The following TRIOBP variants were observed in gnomAD, a reference collection of about 807,000 sequenced individuals.
TRIOBP encodes TRIO and F-actin binding protein.
TRIOBP carries 169 observed loss-of-function variants against 238.8 expected under a neutral mutation model. The observed-to-expected ratio is 0.71, with a 90% CI of 0.62 to 0.80. The LOEUF (loss-of-function observed/expected upper bound fraction) is 0.80. Ranked by LOEUF, TRIOBP falls within the 30% of genes least tolerant of loss-of-function variation. The pLI is 0.00. For missense variants in TRIOBP, 2,838 were observed against 3,122.6 expected (o/e 0.91, Z 2.17); for synonymous variants, 1,150 against 1,274.4 (o/e 0.90, Z 2.08).
intron 13 of TRIOBP, 36 bp from the exon 14 acceptor site, chr22:37,755,065 G>A: frequency 6.2e-7 from 1 of 1,611,380 alleles, no homozygotes; most frequent in Non-Finnish European, 8.5e-7. Context: ...GTCACACCAG[G>A]GCCCACACGG....
At position 37,772,709 on chromosome 22, in the gene TRIOBP, G is replaced by A; in HGVS notation, c.7045G>A (p.Ala2349Thr). The change falls in exon 23 of 24, where the codon GCC (alanine) becomes ACC (threonine). Residue 2349 changes from alanine (A) to threonine (T), a missense_variant. Transcript: ENST00000644935. ...IEQLKEHLRL[A>T]MAALQEKESM... The stretch of plus-strand genomic sequence containing the variant: ...GCAGCTGAAGGAGCACCTGCGTCTT[G>A]CCATGGCCGCCCTCCAGGAGAAGGA... 6.2e-7 allele frequency: 1 copy of A among 1,614,068 alleles called. No individual in the cohort carries two copies. The highest frequency in any genetic ancestry group is 8.5e-7 in the Non-Finnish European group (1 of 1,180,036).
At chr22:37,719,134 T>C (rs1181888242) in intron 6 of TRIOBP, among the ~76,000 whole-genome samples, 2 of 148,686 alleles carry the variant, frequency 1.3e-5, no homozygotes, top group African/African-American at 2.5e-5. Flanking sequence ...ACTTGGGAGG[T>C]GGAGGTTGCC....
Position 37,701,481 on chromosome 22 carries a change from T to A in TRIOBP, c.114+2T>A. 2 of 1,607,176 alleles carry A rather than the reference T, an allele frequency of 1.2e-6. No homozygotes were observed. Among genetic ancestry groups the A allele is most frequent in the Non-Finnish European group, 1.7e-6 (2 of 1,176,710 alleles). Reference sequence around the variant, plus strand: ...GAGGCCCATGGAGCAAGATACCAGGTGGGCCAGTTTTCCACGTGGTTGGGG... The same window carrying A: ...GAGGCCCATGGAGCAAGATACCAGGAGGGCCAGTTTTCCACGTGGTTGGGG... On this transcript the variant is annotated splice_donor_variant, in intron 3 of 23. Coordinates refer to ENST00000644935, the MANE Select transcript of TRIOBP (RefSeq NM_001039141.3). LOFTEE classifies it high-confidence loss of function.
chr22:37,758,659 T>C (rs576331473), intron 16 of TRIOBP, among the ~76,000 whole-genome samples: 40 of 150,696 alleles, frequency 2.7e-4, no homozygotes, highest in African/African-American at 9.6e-4. Context: ...AGTCTGGCAA[T>C]AGAGCCCGAC....
chr22:37,702,494 GCGC>G (rs1922704444), intron 3 of TRIOBP, among the ~76,000 whole-genome samples: 1 of 152,062 alleles, frequency 6.6e-6, no homozygotes, highest in South Asian at 2.1e-4. Context: ...GTGAGCCACC[GCGC>G]CTGGCCTCGA....
At chr22:37,728,049 A>G (rs185603680) in intron 7 of TRIOBP, among the ~76,000 whole-genome samples, 26 of 152,346 alleles carry the variant, frequency 1.7e-4, no homozygotes, top group Admixed American at 1.5e-3. Flanking sequence ...GAACATTTTC[A>G]TCACCCTAAA....
intron 12 of TRIOBP, 76 bp downstream of exon 12, chr22:37,751,904 G>GTGGGGC (rs1351091467): frequency 8.7e-6 from 13 of 1,496,738 alleles, no homozygotes; most frequent in Non-Finnish European, 1.1e-5. Context: ...AGGAGTGGGG[G>GTGGGGC]TGGGGCTGGG....
In TRIOBP at chr22:37,758,088, G is replaced by T. The variant is rs918925437; in HGVS notation, c.6163G>T (p.Gly2055Ter). Residue 2055 changes from glycine (G) to a stop codon, truncating the protein, a stop_gained, in exon 16 of 24, where the codon GGA becomes TGA. Coordinates refer to ENST00000644935, the MANE Select transcript of TRIOBP (RefSeq NM_001039141.3). LOFTEE classifies it high-confidence loss of function. The stretch of plus-strand genomic sequence containing the variant: ...CACTGCCCTGCTCAACCAAAGCCGC[G>T]GAGAGCGCCGAGGGCCCCCAAGTGA... ...PLTALLNQSR[G>*]ERRGPPSDGH... The T allele has an allele frequency of 5.0e-6, 8 of 1,611,218 alleles. No homozygotes were observed. The highest frequency in any genetic ancestry group is 4.2e-6 in the Non-Finnish European group (5 of 1,179,902).
chr22:37,726,550 G>T, intron 7 of TRIOBP, 47 bp downstream of exon 7: 2 of 1,426,708 alleles, frequency 1.4e-6, no homozygotes, highest in Non-Finnish European at 1.8e-6. Context: ...GAGGAGGCTC[G>T]GCAGCAGGAC....
intron 7 of TRIOBP, 57 bp from the exon 8 acceptor site, chr22:37,733,241 G>A: frequency 7.3e-7 from 1 of 1,366,062 alleles, no homozygotes; most frequent in Non-Finnish European, 1.0e-6. Flanking sequence ...GGAGCAGAGG[G>A]GCTGGGGTGC....
chr22:37,722,848 C>T (rs1923904886), intron 6 of TRIOBP, among the ~76,000 whole-genome samples: 1 of 152,246 alleles, frequency 6.6e-6, no homozygotes, highest in Non-Finnish European at 1.5e-5. Flanking sequence ...CCTGGGGTCA[C>T]ACAGGCCATT....
intron 7 of TRIOBP, among the ~76,000 whole-genome samples, chr22:37,727,942 A>G (rs1392401343): frequency 6.6e-6 from 1 of 152,196 alleles, no homozygotes; most frequent in African/African-American, 2.4e-5. Context: ...CAGCAACAAA[A>G]AGCAGTCTGG....
At chr22:37,771,294 G>A (rs1488680662) in intron 21 of TRIOBP, among the ~76,000 whole-genome samples, 2 of 152,164 alleles carry the variant, frequency 1.3e-5, no homozygotes, top group African/African-American at 4.8e-5. Flanking sequence ...CGGGGTTGGG[G>A]AGGGGTTAAT....
Position 37,741,043 on chromosome 22 carries a change from T to A in TRIOBP, c.5322+11T>A, listed in dbSNP as rs1924910229. The A allele has an allele frequency of 6.4e-7, 1 of 1,560,956 alleles. No individual in the cohort carries two copies. Among genetic ancestry groups the A allele is most frequent in the South Asian group, 1.2e-5 (1 of 84,772 alleles). ...CTCAGGTGGCGAAGGGTAGGCTGGC[T>A]CCAGTGGGGACTGGAGGGGTGAGGG... On this transcript the variant is annotated intron_variant, in intron 11 of 23. Coordinates refer to ENST00000644935, the MANE Select transcript of TRIOBP (RefSeq NM_001039141.3).
Position 37,734,902 on chromosome 22 carries a change from C to G in TRIOBP, c.4566C>G (p.Pro1522=). The G allele has an allele frequency of 2.5e-6, 4 of 1,613,258 alleles. No individual in the cohort carries two copies. The highest frequency in any genetic ancestry group is 3.4e-6 in the Non-Finnish European group (4 of 1,180,004). The change falls in exon 9 of 24, where the codon CCC becomes CCG. Residue 1522 remains proline (P), a synonymous_variant. Transcript: ENST00000644935. ...GCCCCCCTGAGAACTGGGGAGGCCCCGCAGAGTCCTCACAATCCTGGCACT... is the reference window on the plus strand; with the variant it reads ...GCCCCCCTGAGAACTGGGGAGGCCCGGCAGAGTCCTCACAATCCTGGCACT... The part of the protein sequence containing the change: ...LTSPPENWGG[P]AESSQSWHSG...
At chr22:37,746,717 G>A (rs1925298169) in intron 11 of TRIOBP, among the ~76,000 whole-genome samples, 1 of 152,252 alleles carries the variant, frequency 6.6e-6, no homozygotes, top group South Asian at 2.1e-4. Context: ...ACCAGTCACG[G>A]GTGGATTCGG....
At chr22:37,731,861 A>G (rs1173440650) in intron 7 of TRIOBP, among the ~76,000 whole-genome samples, 2 of 152,190 alleles carry the variant, frequency 1.3e-5, no homozygotes, top group African/African-American at 4.8e-5. Flanking sequence ...AAGTTCTGGG[A>G]TTACAGGCGT....
intron 18 of TRIOBP, among the ~76,000 whole-genome samples, chr22:37,767,277 CCTGGGTG>C (rs59541507): frequency 8.2e-6 from 1 of 122,326 alleles, no homozygotes; most frequent in Admixed American, 8.2e-5. Flanking sequence ...GACTCCGTCT[CCTGGGTG>C]ACAGAGTGAG....
At chr22:37,736,017 G>A (rs1337894863) in intron 9 of TRIOBP, among the ~76,000 whole-genome samples, 4 of 152,242 alleles carry the variant, frequency 2.6e-5, no homozygotes, top group Non-Finnish European at 5.9e-5. Flanking sequence ...GCTCCTCTCA[G>A]ACACAGAGAA....
Sources: gnomAD v4.1 joint callset for allele counts (sites outside exome capture counted in the v4.1 genomes callset) on GRCh38, gnomAD v4.1.1 for gene constraint, MANE v1.5 for transcripts, NCBI Gene and HGNC (gene_info 2026-07-23, HGNC 2026-07-21) for gene names.